The following GMPR variants were observed in gnomAD, a reference collection of about 807,000 sequenced individuals.
GMPR encodes GMP reductase 1.
In GMPR, 31 loss-of-function variants were observed where a neutral mutation model predicts 38.4. The observed-to-expected ratio is 0.81, with a 90% CI of 0.61 to 1.09. The LOEUF (loss-of-function observed/expected upper bound fraction) is 1.09. Among genes scored for constraint, GMPR ranks in the 50% least tolerant of loss-of-function variants. GMPR has a pLI of 0.00. For missense variants in GMPR, 468 were observed against 453.7 expected (o/e 1.03, Z -0.29); for synonymous variants, 162 against 173.3 (o/e 0.93, Z 0.51).
chr6:16,289,194 C>T (rs888153293), intron 7 of GMPR, among the ~76,000 whole-genome samples: 3 of 152,138 alleles, frequency 2.0e-5, no homozygotes, highest in Admixed American at 6.5e-5. Context: ...TAGCGCAGAC[C>T]CCAACCCCAC....
intron 3 of GMPR, among the ~76,000 whole-genome samples, chr6:16,253,321 AG>A (rs1301079951): frequency 6.6e-6 from 1 of 152,262 alleles, no homozygotes; most frequent in Non-Finnish European, 1.5e-5. Context: ...ATTGCTTTAG[AG>A]AAATACCTGA....
chr6:16,288,965 C>G (rs570773217), intron 7 of GMPR, among the ~76,000 whole-genome samples: 2 of 152,328 alleles, frequency 1.3e-5, no homozygotes, highest in African/African-American at 4.8e-5. Context: ...ACAGACCACT[C>G]ACTCTACCAA....
intron 3 of GMPR, among the ~76,000 whole-genome samples, chr6:16,253,349 A>C (rs1020828470): frequency 4.6e-5 from 7 of 152,214 alleles, no homozygotes; most frequent in African/African-American, 1.7e-4. Flanking sequence ...GTAATTTATA[A>C]AGAAAAGAGA....
chr6:16,267,852 G>C lies in GMPR; in HGVS notation c.466-6563G>C, dbSNP rs145908163. ...ACTCCCCTGGGGCAATGCCGTGTCA[G>C]CTGCTGCGGGCAGATCTCCGGGAGC... On this transcript the variant is annotated intron_variant, in intron 4 of 8. Coordinates refer to ENST00000259727, the MANE Select transcript of GMPR (RefSeq NM_006877.4). Among the ~76,000 whole-genome samples the C allele has an allele frequency of 2.0e-3, 305 of 152,354 alleles. 1 individual carries two copies. Among genetic ancestry groups the C allele is most frequent in the African/African-American group, 6.8e-3 (281 of 41,590 alleles).
chr6:16,246,924 CTG>C lies in GMPR; in HGVS notation c.173_174del (p.Val58GlyfsTer4), dbSNP rs1303528588. Reference sequence around the variant, plus strand: ...CCCATCATCGTGGCCAACATGGACACTGTGGGCACGTTTGAGATGGCAGCCGT... The same window carrying C: ...CCCATCATCGTGGCCAACATGGACACTGGGCACGTTTGAGATGGCAGCCGT... On this transcript the variant is annotated frameshift_variant, in exon 2 of 9. Transcript: ENST00000259727. LOFTEE classifies it high-confidence loss of function. The C allele has an allele frequency of 3.1e-6, 5 of 1,613,604 alleles. No individual in the cohort carries two copies. Among genetic ancestry groups the C allele is most frequent in the Non-Finnish European group, 4.2e-6 (5 of 1,179,680 alleles).
chr6:16,249,166 A>AT (rs11292107), intron 2 of GMPR, among the ~76,000 whole-genome samples: 1,399 of 96,338 alleles, frequency 0.015, 10 homozygotes, highest in Middle Eastern at 0.043. Context: ...ACATTTTGTA[A>AT]TTTTTTTTTT....
chr6:16,294,931 C>A, intron 8 of GMPR, 75 bp from the exon 9 acceptor site: 1 of 1,185,270 alleles, frequency 8.4e-7, no homozygotes, highest in Non-Finnish European at 1.2e-6. Flanking sequence ...AGTGCTGGAG[C>A]TGGGAGTAAT....
At chr6:16,289,110 C>T (rs960085100) in intron 7 of GMPR, among the ~76,000 whole-genome samples, 20 of 152,212 alleles carry the variant, frequency 1.3e-4, no homozygotes, top group South Asian at 4.1e-4. Context: ...TCTGTTGCTG[C>T]TCGGTCTTTA....
chr6:16,259,609 G>A lies in GMPR; in HGVS notation c.465+4874G>A, dbSNP rs893664669. Among the ~76,000 whole-genome samples, 98 of 151,950 alleles carry A rather than the reference G, an allele frequency of 6.4e-4. 1 individual carries two copies. Among genetic ancestry groups the A allele is most frequent in the Non-Finnish European group, 2.9e-4 (20 of 68,044 alleles). ...AGAGATTAAGCCGAAGGAAGATTTT[G>A]TGGTAAGGGTTGATATTGTGGGACT... On this transcript the variant is annotated intron_variant, in intron 4 of 8. Transcript: ENST00000259727.
At chr6:16,261,721 G>A (rs1407423074) in intron 4 of GMPR, among the ~76,000 whole-genome samples, 1 of 151,996 alleles carries the variant, frequency 6.6e-6, no homozygotes, top group Non-Finnish European at 1.5e-5. Context: ...TTCAAAGCAT[G>A]CTGTGGGATG....
At chr6:16,264,613 T>C (rs2113683283) in intron 4 of GMPR, 1 of 151,982 alleles carries the variant, frequency 6.6e-6, no homozygotes, top group African/African-American at 2.4e-5. Context: ...GGGGCCGTTT[T>C]ATAGGATTTG....
intron 4 of GMPR, among the ~76,000 whole-genome samples, chr6:16,266,528 C>T (rs1342792977): frequency 4.0e-5 from 6 of 150,268 alleles, no homozygotes; most frequent in Admixed American, 6.6e-5. Flanking sequence ...CACGGCTGGG[C>T]GCGGTGGCTC....
chr6:16,282,452 A>T (rs1393206497), intron 6 of GMPR, among the ~76,000 whole-genome samples: 2 of 152,274 alleles, frequency 1.3e-5, no homozygotes, highest in Non-Finnish European at 2.9e-5. Flanking sequence ...ATAAAAAGGA[A>T]AATAAGTATT....
intron 2 of GMPR, among the ~76,000 whole-genome samples, chr6:16,249,777 G>A (rs149449560): frequency 1.1e-3 from 162 of 152,354 alleles, no homozygotes; most frequent in Middle Eastern, 3.4e-3. Context: ...AATTCCCACC[G>A]GCAAGATTTA....
At chr6:16,287,929 C>T (rs1283391283) in intron 7 of GMPR, among the ~76,000 whole-genome samples, 2 of 152,232 alleles carry the variant, frequency 1.3e-5, no homozygotes, top group South Asian at 2.1e-4. Context: ...GCATCAGGGC[C>T]ACTTTCAGGG....
At chr6:16,254,466 T>G (rs546108767) in intron 3 of GMPR, 96 bp from the exon 4 acceptor site, 7 of 1,019,370 alleles carry the variant, frequency 6.9e-6, no homozygotes, top group Non-Finnish European at 1.1e-5. Flanking sequence ...CGAAAAGGGT[T>G]GTTGTACTGT....
chr6:16,263,810 G>T (rs1292173713), intron 4 of GMPR, among the ~76,000 whole-genome samples: 1 of 150,022 alleles, frequency 6.7e-6, no homozygotes, highest in Non-Finnish European at 1.5e-5. Flanking sequence ...CAGAAATAAG[G>T]GATTGGGGTG....
intron 4 of GMPR, chr6:16,262,954 CTG>C (rs1225943877): frequency 3.9e-5 from 6 of 152,050 alleles, no homozygotes; most frequent in African/African-American, 1.2e-4. Context: ...GTAAGCCAGA[CTG>C]TGTGTGAGGA....
intron 4 of GMPR, among the ~76,000 whole-genome samples, chr6:16,272,768 T>C (rs1381931642): frequency 6.6e-6 from 1 of 152,240 alleles, no homozygotes; most frequent in Non-Finnish European, 1.5e-5. Context: ...TATTTTTCTC[T>C]ACCTGGGTAT....
Sources: gnomAD v4.1 joint callset for allele counts (sites outside exome capture counted in the v4.1 genomes callset) on GRCh38, gnomAD v4.1.1 for gene constraint, MANE v1.5 for transcripts, NCBI Gene and HGNC (gene_info 2026-07-23, HGNC 2026-07-21) for gene names.